The following BAG4 variants were observed in gnomAD, a reference collection of about 807,000 sequenced individuals.
BAG4 encodes BAG family molecular chaperone regulator 4.
A neutral mutation model predicts 52.1 loss-of-function variants in BAG4; 28 were observed. The observed-to-expected ratio is 0.54, with a 90% CI of 0.40 to 0.74. The LOEUF is 0.74. BAG4 is among the 30% of genes least tolerant of loss of function. The pLI, the probability that BAG4 is intolerant of heterozygous loss-of-function variation, is 0.00. For synonymous variants in BAG4, 208 were observed against 217.0 expected, an observed-to-expected ratio of 0.96 and a Z score of 0.37; for missense variants, 525 against 572.0, an observed-to-expected ratio of 0.92 and a Z score of 0.84.
intron 2 of BAG4, among the ~76,000 whole-genome samples, chr8:38,197,231 CAA>C (rs1343425044): frequency 9.9e-5 from 15 of 152,070 alleles, no homozygotes; most frequent in African/African-American, 3.6e-4. Context: ...AGAAATGCAT[CAA>C]GAGGCAATTT....
intron 1 of BAG4, among the ~76,000 whole-genome samples, chr8:38,183,155 C>G (rs780826154): frequency 1.3e-5 from 2 of 151,626 alleles, no homozygotes; most frequent in Non-Finnish European, 2.9e-5. Flanking sequence ...TGCCATTCTC[C>G]CACTTCAGCC....
At chr8:38,207,077 C>T (rs984587747) in intron 2 of BAG4, among the ~76,000 whole-genome samples, 1 of 151,924 alleles carries the variant, frequency 6.6e-6, no homozygotes, top group Non-Finnish European at 1.5e-5. Flanking sequence ...GTCAGCCCCC[C>T]GAGTAGCTGG....
rs770097684 is a variant in BAG4, at chr8:38,176,955, C to T, written c.86C>T (p.Pro29Leu). The change falls in exon 1 of 5, where the codon CCG becomes CTG. Residue 29 changes from proline to leucine, a missense_variant. Physicochemically the swap from Pro to Leu is moderately conservative, Grantham distance 98 (BLOSUM62 -3). This residue lies in a region of BAG4 where 287 missense variants were observed against 266.1 expected (regional missense o/e 1.08). Coordinates refer to ENST00000287322, the MANE Select transcript of BAG4 (RefSeq NM_004874.4). ...TACGGGCCTGGGGGTGGAGATGTGC[C>T]GGTACACCCACCTCCACCCTTATAT... ...RYYGPGGGDV[P>L]VHPPPPLYPL... is the part of the protein sequence containing the mutation. The T allele has an allele frequency of 6.4e-7, 1 of 1,563,420 alleles. No homozygotes were observed. The highest frequency in any genetic ancestry group is 8.7e-7 in the Non-Finnish European group (1 of 1,154,232).
At chr8:38,201,912 G>T (rs58729933) in intron 2 of BAG4, 16 of 43,630 alleles carry the variant, frequency 3.7e-4, no homozygotes, top group East Asian at 2.9e-3. Flanking sequence ...TTTTTTTTAA[G>T]AAGCTGTTAA....
chr8:38,206,876 G>A (rs569473840), intron 2 of BAG4, among the ~76,000 whole-genome samples: 1 of 151,954 alleles, frequency 6.6e-6, no homozygotes, highest in East Asian at 1.9e-4. Context: ...GACCTCCTGG[G>A]CTCAAGCAAT....
rs1803842183 is a variant in BAG4 at position 38,210,127 on chromosome 8, T to C, written c.1008T>C (p.Asp336=). Residue 336 remains aspartate, a synonymous_variant, in exon 5 of 5, where the codon GAT becomes GAC. Coordinates refer to ENST00000287322, the MANE Select transcript of BAG4 (RefSeq NM_004874.4). Reference sequence around the variant, plus strand: ...ACAATGATGATTCAGATCTTTTGGATTCCCAAGTCCAGTATAGTGCTGAGC... The same window carrying C: ...ACAATGATGATTCAGATCTTTTGGACTCCCAAGTCCAGTATAGTGCTGAGC... The part of the protein sequence containing the change: ...TVNNDDSDLL[D]SQVQYSAEPQ... 3 of 1,614,036 alleles carry C rather than the reference T, an allele frequency of 1.9e-6. No individual in the cohort carries two copies. In the South Asian group the frequency reaches 3.3e-5, roughly 18 times the overall value.
rs565321102 is a variant in BAG4 at position 38,179,348 on chromosome 8, G to A, written c.270+2209G>A. On this transcript the variant is annotated intron_variant, in intron 1 of 4. Coordinates refer to ENST00000287322, the MANE Select transcript of BAG4 (RefSeq NM_004874.4). ...AATTTTGTATTTTAAGTAGAGACGG[G>A]GTTTTGTCGTGTGGGCCAGGTTGGT... 6.6e-5 allele frequency among the ~76,000 whole-genome samples: 10 copies of A among 151,710 alleles called. No homozygotes were observed. In the East Asian group the frequency reaches 1.4e-3, roughly 21 times the overall value.
At chr8:38,200,320 T>TA (rs1321115477) in intron 2 of BAG4, among the ~76,000 whole-genome samples, 3 of 152,098 alleles carry the variant, frequency 2.0e-5, no homozygotes, top group African/African-American at 4.8e-5. Flanking sequence ...GTACCCTTCC[T>TA]AAAAATCATA....
intron 1 of BAG4, among the ~76,000 whole-genome samples, chr8:38,191,644 C>T (rs1803475422): frequency 1.3e-5 from 2 of 151,484 alleles, no homozygotes; most frequent in Admixed American, 1.3e-4. Flanking sequence ...CCTGTAATCC[C>T]AGCTATTCAG....
At chr8:38,190,734 C>T (rs1263104608) in intron 1 of BAG4, among the ~76,000 whole-genome samples, 15 of 150,360 alleles carry the variant, frequency 1.0e-4, no homozygotes, top group Admixed American at 6.0e-4. Flanking sequence ...TGAGCCACTG[C>T]GCCCAGCCCA....
At chr8:38,201,635 T>C (rs980287068) in intron 2 of BAG4, 1 of 151,740 alleles carries the variant, frequency 6.6e-6, no homozygotes, top group Non-Finnish European at 1.5e-5. Flanking sequence ...CCTATAGTGG[T>C]ATATAGATAT....
intron 2 of BAG4, among the ~76,000 whole-genome samples, chr8:38,203,641 G>T (rs1336206134): frequency 2.0e-5 from 3 of 151,902 alleles, no homozygotes; most frequent in Non-Finnish European, 4.4e-5. Flanking sequence ...AAGATGAGTA[G>T]GGCCTACAGG....
intron 2 of BAG4, among the ~76,000 whole-genome samples, chr8:38,199,811 C>A (rs1803629303): frequency 6.6e-6 from 1 of 152,096 alleles, no homozygotes; most frequent in Non-Finnish European, 1.5e-5. Flanking sequence ...ACGTGAGCCA[C>A]TGCGCCCAGC....
Position 38,177,558 on chromosome 8 carries a change from G to A in BAG4, c.270+419G>A, listed in dbSNP as rs190171220. Reference sequence around the variant, plus strand: ...GATGCCGCTCAGGGACCCTCCCGAGGGGAAGGAACCTTTGCGAGGAGGAGG... The same window carrying A: ...GATGCCGCTCAGGGACCCTCCCGAGAGGAAGGAACCTTTGCGAGGAGGAGG... On this transcript the variant is annotated intron_variant, in intron 1 of 4. Transcript: ENST00000287322. Among the ~76,000 whole-genome samples, 6 of 152,312 alleles carry A rather than the reference G, an allele frequency of 3.9e-5. No homozygotes were observed. The East Asian group carries it at 9.7e-4, about 25-fold the overall frequency.
chr8:38,188,697 A>T (rs967802494), intron 1 of BAG4, among the ~76,000 whole-genome samples: 1 of 48,550 alleles, frequency 2.1e-5, no homozygotes, highest in African/African-American at 7.2e-5. Context: ...ATACATGTAT[A>T]CATATATATG....
At position 38,209,161 on chromosome 8, in the gene BAG4, C is replaced by G; in HGVS notation, c.782C>G (p.Ala261Gly). Residue 261 changes from alanine to glycine, a missense_variant, in exon 4 of 5, where the codon GCG (alanine) becomes GGG (glycine). Ala to Gly is a moderately conservative substitution (Grantham distance 60). Around this residue, in one of 2 missense-constraint regions of BAG4, gnomAD observed 238 missense variants for 305.8 expected, o/e 0.78. Coordinates refer to ENST00000287322, the MANE Select transcript of BAG4 (RefSeq NM_004874.4). ...MGGRYPWPSS[A>G]PSAPPGNLYM... Reference sequence around the variant, plus strand: ...GGCCGTTATCCCTGGCCTTCATCAGCGCCCTCAGCACCACCCGGCAATCTC... The same window carrying G: ...GGCCGTTATCCCTGGCCTTCATCAGGGCCCTCAGCACCACCCGGCAATCTC... 1 of 1,614,152 alleles carries G rather than the reference C, an allele frequency of 6.2e-7. No individual in the cohort carries two copies. The highest frequency in any genetic ancestry group is 1.1e-5 in the South Asian group (1 of 91,076).
rs570597856 is a variant in BAG4, at chr8:38,203,451, T to G, written c.379-4061T>G. 4.6e-5 allele frequency among the ~76,000 whole-genome samples: 7 copies of G among 151,846 alleles called. No homozygotes were observed. The East Asian group carries it at 1.2e-3, about 25-fold the overall frequency. On this transcript the variant is annotated intron_variant, in intron 2 of 4. Transcript: ENST00000287322. ...TCGCCTGCCACCACGCCCAGCTAAT[T>G]TTTTTGTATTTTTAGTAGAGACAGG...
chr8:38,212,146 T>C lies in BAG4; in HGVS notation c.*1653T>C, dbSNP rs1025032955. The C allele has an allele frequency of 2.6e-5, 4 of 152,158 alleles. No homozygotes were observed. The highest frequency in any genetic ancestry group is 9.7e-5 in the African/African-American group (4 of 41,446). The allele number at this position is 152,158 out of a possible 1,614,324, so 9.4% of individuals were successfully genotyped here. On this transcript the variant is annotated 3_prime_UTR_variant, in exon 5 of 5. Transcript: ENST00000287322. ...TTATTTTTGGCCTAATATAGGAATG[T>C]TTAAAAAAGGCTTTTCTATGAAAAT...
At chr8:38,180,995 C>T (rs532304295) in intron 1 of BAG4, among the ~76,000 whole-genome samples, 11 of 148,612 alleles carry the variant, frequency 7.4e-5, no homozygotes, top group East Asian at 4.0e-4. Flanking sequence ...GGCTGGAGTG[C>T]GGTGGCCTGA....
Sources: gnomAD v4.1 joint callset for allele counts (sites outside exome capture counted in the v4.1 genomes callset) on GRCh38, gnomAD v4.1.1 for gene constraint, gnomAD v4.1.1 regional missense constraint, MANE v1.5 for transcripts, NCBI Gene and HGNC (gene_info 2026-07-23, HGNC 2026-07-21) for gene names.